The following PSD4 variants were observed in gnomAD, a reference collection of about 807,000 sequenced individuals.
PSD4 encodes the protein pleckstrin and Sec7 domain containing 4.
Under a neutral mutation model 112.5 loss-of-function variants are expected in PSD4, and 59 were observed. The observed-to-expected ratio is 0.52, with a 90% CI of 0.43 to 0.65. The LOEUF (loss-of-function observed/expected upper bound fraction) is 0.65, where lower values mean the gene tolerates loss of function less well. Among genes scored for constraint, PSD4 ranks in the 30% least tolerant of loss-of-function variants. The pLI is 0.00. For missense variants in PSD4, 1,267 were observed against 1,352.6 expected, an observed-to-expected ratio of 0.94 and a Z score of 0.99; for synonymous variants, 533 against 540.0, an observed-to-expected ratio of 0.99 and a Z score of 0.18.
At chr2:113,187,773 C>T (rs139549249) in intron 5 of PSD4, among the ~76,000 whole-genome samples, 228 of 152,224 alleles carry the variant, frequency 1.5e-3, no homozygotes, top group African/African-American at 5.0e-3. Flanking sequence ...GATAAACAGA[C>T]GAATAACATT....
chr2:113,181,227 C>CAAA (rs34479674), intron 1 of PSD4, among the ~76,000 whole-genome samples: 1 of 118,648 alleles, frequency 8.4e-6, no homozygotes, highest in Non-Finnish European at 1.8e-5. Flanking sequence ...GACTCTGTCT[C>CAAA]AAAAAAAAAA....
chr2:113,197,832 C>T lies in PSD4; in HGVS notation c.2543C>T (p.Thr848Ile), dbSNP rs776965110. 2 of 1,610,888 alleles carry T rather than the reference C, an allele frequency of 1.2e-6. No individual in the cohort carries two copies. The highest frequency in any genetic ancestry group is 1.3e-5 in the African/African-American group (1 of 74,980). The change falls in exon 14 of 17, where the codon ACC becomes ATC. Residue 848 changes from threonine (T) to isoleucine (I), a missense_variant. Transcript: ENST00000245796. ...GTGGGGGTGCACCACTCGCTGGCCA[C>T]CCCCGCCACGCATTACACCAAGAAG... ...EPVGVHHSLA[T>I]PATHYTKKPH...
chr2:113,182,562 A>G lies in PSD4; in HGVS notation c.106A>G (p.Thr36Ala). 1 of 1,614,158 alleles carries G rather than the reference A, an allele frequency of 6.2e-7. No homozygotes were observed. The highest frequency in any genetic ancestry group is 8.5e-7 in the Non-Finnish European group (1 of 1,180,024). The change falls in exon 2 of 17, where the codon ACG becomes GCG. Residue 36 changes from threonine (T) to alanine (A), a missense_variant. Transcript: ENST00000245796. ...CCACCCAGGAGAGTGCCCAAGGGAA[A>G]CGTGCAGCCATGAGGATCCACCGGA... is the stretch of plus-strand genomic sequence containing the variant. The part of the protein sequence containing the change: ...EPHPGECPRE[T>A]CSHEDPPEPF...
At chr2:113,178,356 A>G (rs1395166264) in intron 1 of PSD4, among the ~76,000 whole-genome samples, 1 of 151,222 alleles carries the variant, frequency 6.6e-6, no homozygotes, top group Non-Finnish European at 1.5e-5. Flanking sequence ...CAGGCTCCTC[A>G]GGTGCTGCAG....
chr2:113,187,821 G>A (rs531225455), intron 5 of PSD4, among the ~76,000 whole-genome samples: 1 of 152,280 alleles, frequency 6.6e-6, no homozygotes, highest in African/African-American at 2.4e-5. Flanking sequence ...TAACACAGAC[G>A]GGTCAGGGTC....
intron 14 of PSD4, 42 bp from the exon 15 acceptor site, chr2:113,198,698 G>A: frequency 6.6e-7 from 1 of 1,503,862 alleles, no homozygotes; most frequent in Non-Finnish European, 8.9e-7. Context: ...GTGACAGGAC[G>A]GACTCTGTGT....
At chr2:113,188,922 T>C (rs1688377935) in intron 5 of PSD4, among the ~76,000 whole-genome samples, 1 of 152,238 alleles carries the variant, frequency 6.6e-6, no homozygotes, top group South Asian at 2.1e-4. Flanking sequence ...AATTTTTATT[T>C]CCATAGGTTA....
At chr2:113,176,874 T>C (rs4848316) in intron 1 of PSD4, among the ~76,000 whole-genome samples, 77,292 of 152,058 alleles carry the variant, frequency 0.51, 20,339 homozygotes, top group African/African-American at 0.64. Context: ...TCCACCCTTC[T>C]GAGATCAGAC....
chr2:113,200,956 T>TGGG, intron 16 of PSD4, among the ~76,000 whole-genome samples: 1 of 152,144 alleles, frequency 6.6e-6, no homozygotes, highest in Admixed American at 6.5e-5. Context: ...CTGATATGTG[T>TGGG]CATTATAATA....
At chr2:113,199,525 GTTTTC>G (rs941918799) in intron 16 of PSD4, among the ~76,000 whole-genome samples, 3 of 152,260 alleles carry the variant, frequency 2.0e-5, no homozygotes, top group Non-Finnish European at 2.9e-5. Flanking sequence ...TTATTTTACA[GTTTTC>G]TTTTCTCCTA....
intron 1 of PSD4, among the ~76,000 whole-genome samples, chr2:113,178,459 G>A (rs12711765): frequency 0.47 from 69,907 of 150,054 alleles, 16,472 homozygotes; most frequent in East Asian, 0.62. Flanking sequence ...AGCAAGGAAC[G>A]CTGGTTTTTT....
At chr2:113,194,467 G>A (rs1007078777) in intron 10 of PSD4, among the ~76,000 whole-genome samples, 3 of 152,250 alleles carry the variant, frequency 2.0e-5, no homozygotes, top group African/African-American at 7.2e-5. Flanking sequence ...TGTGTCATAA[G>A]CAATTAAAAT....
rs758846678 is a variant in PSD4, at chr2:113,197,863, C to T, written c.2574C>T (p.His858=). The T allele has an allele frequency of 6.2e-6, 10 of 1,607,170 alleles. No individual in the cohort carries two copies. The highest frequency in any genetic ancestry group is 7.7e-6 in the Non-Finnish European group (9 of 1,175,558). ...TPATHYTKKP[H]VFQLRTADWR... is the part of the protein sequence containing the mutation. ...CCACGCATTACACCAAGAAGCCGCA[C>T]GTCTTCCAGCTGCGCACGGCTGACT... The change falls in exon 14 of 17, where the codon CAC becomes CAT. Residue 858 remains histidine (H), a synonymous_variant. Coordinates refer to ENST00000245796, the MANE Select transcript of PSD4 (RefSeq NM_012455.3).
chr2:113,182,967 G>C lies in PSD4; in HGVS notation c.511G>C (p.Glu171Gln). Residue 171 changes from glutamate to glutamine, a missense_variant, in exon 2 of 17, where the codon GAG becomes CAG. Glu to Gln is a conservative substitution (Grantham distance 29, BLOSUM62 2). Coordinates refer to ENST00000245796, the MANE Select transcript of PSD4 (RefSeq NM_012455.3). ...GGCCCAGATGTGTGTCCTAGACCTG[G>C]AGGAGGAGCTGGAGAAGACGGAAGG... ...LQAQMCVLDL[E>Q]EELEKTEGLK... is the part of the protein sequence containing the mutation. 6.2e-7 allele frequency: 1 copy of C among 1,614,216 alleles called. No homozygotes were observed. Among genetic ancestry groups the C allele is most frequent in the Non-Finnish European group, 8.5e-7 (1 of 1,180,044 alleles).
In PSD4 at chr2:113,185,412, C is replaced by T. The variant is rs1290423874; in HGVS notation, c.1221C>T (p.Pro407=). The change falls in exon 4 of 17, where the codon CCC becomes CCT. Residue 407 remains proline (P), a synonymous_variant. Coordinates refer to ENST00000245796, the MANE Select transcript of PSD4 (RefSeq NM_012455.3). ...EGWQRGGPFW[P]QVTLNSQDRD... ...GGCAGAGAGGAGGTCCTTTTTGGCCCCAGGTGACTCTTAACTCCCAGGACA... is the reference window on the plus strand; with the variant it reads ...GGCAGAGAGGAGGTCCTTTTTGGCCTCAGGTGACTCTTAACTCCCAGGACA... 6.2e-7 allele frequency: 1 copy of T among 1,614,020 alleles called. No individual in the cohort carries two copies. The highest frequency in any genetic ancestry group is 8.5e-7 in the Non-Finnish European group (1 of 1,180,020).
rs555367662 is a variant in PSD4, at chr2:113,192,783, A to G, written c.1838+194A>G. Reference sequence around the variant, plus strand: ...CAGTCATGGTCCTCATGCTCTCCACACCCTTGGTCCTTGGTCCCCACTGCC... The same window carrying G: ...CAGTCATGGTCCTCATGCTCTCCACGCCCTTGGTCCTTGGTCCCCACTGCC... On this transcript the variant is annotated intron_variant, in intron 6 of 16. Transcript: ENST00000245796. Among the ~76,000 whole-genome samples, 15 of 151,426 alleles carry G rather than the reference A, an allele frequency of 9.9e-5. No homozygotes were observed. In the East Asian group the frequency reaches 2.9e-3, roughly 29 times the overall value.
chr2:113,188,548 G>A (rs1688362433), intron 5 of PSD4, among the ~76,000 whole-genome samples: 1 of 151,982 alleles, frequency 6.6e-6, no homozygotes, highest in Non-Finnish European at 1.5e-5. Flanking sequence ...CTGAGCCGCT[G>A]TGCCTGACCT....
chr2:113,175,002 A>G (rs1382349775), intron 1 of PSD4, among the ~76,000 whole-genome samples: 1 of 152,112 alleles, frequency 6.6e-6, no homozygotes, highest in Non-Finnish European at 1.5e-5. Context: ...CTAGGACTCT[A>G]GAGCATCCCG....
At chr2:113,189,411 T>G (rs1371372760) in intron 5 of PSD4, among the ~76,000 whole-genome samples, 1 of 151,600 alleles carries the variant, frequency 6.6e-6, no homozygotes, top group African/African-American at 2.4e-5. Context: ...ACTCATTGAT[T>G]GATCGGCATG....
Sources: gnomAD v4.1 joint callset for allele counts (sites outside exome capture counted in the v4.1 genomes callset) on GRCh38, gnomAD v4.1.1 for gene constraint, MANE v1.5 for transcripts, NCBI Gene and HGNC (gene_info 2026-07-23, HGNC 2026-07-21) for gene names.